FER1L5: variants seen among roughly 807,000 people sequenced by gnomAD.
FER1L5 encodes the protein fer-1-like protein 5.
FER1L5 carries 187 observed loss-of-function variants against 279.9 expected under a neutral mutation model. The ratio of observed to expected loss-of-function variants is 0.67; its 90% CI spans 0.59 to 0.75. The LOEUF (loss-of-function observed/expected upper bound fraction) is 0.75. Ranked by LOEUF, FER1L5 falls within the 30% of genes least tolerant of loss-of-function variation. FER1L5 has a pLI of 0.00. For synonymous variants in FER1L5, 921 were observed against 989.7 expected (o/e 0.93, Z 1.30); for missense variants, 2,091 against 2,594.4 (o/e 0.81, Z 4.21).
In FER1L5 at chr2:96,691,401, T is replaced by C. The variant is rs1477672678; in HGVS notation, c.2908-44T>C. The C allele has an allele frequency of 6.5e-7, 1 of 1,536,304 alleles. No homozygotes were observed. The highest frequency in any genetic ancestry group is 2.0e-5 in the Admixed American group (1 of 49,948). On this transcript the variant is annotated intron_variant, in intron 28 of 52. Transcript: ENST00000624922. This position sits in a 1 kb window ranked among gnomAD's most constrained non-coding sequence, Gnocchi z 6.0. ...GGCTGGGACTGCGGGCAGGGCCGCC[T>C]TGGCTGCTGCAGGAACACAACCCTG...
Position 96,690,587 on chromosome 2 carries a change from A to G in FER1L5, c.2741A>G (p.Lys914Arg). 6.4e-7 allele frequency: 1 copy of G among 1,551,522 alleles called. No individual in the cohort carries two copies. The highest frequency in any genetic ancestry group is 8.7e-7 in the Non-Finnish European group (1 of 1,146,836). Residue 914 changes from lysine (K) to arginine (R), a missense_variant and splice_region_variant, in exon 27 of 53, where the codon AAG becomes AGG. Coordinates refer to ENST00000624922, the MANE Select transcript of FER1L5 (RefSeq NM_001293083.2). ...GAGCTGAACCACGCAGTGGACAGTA[A>G]GGGTCAGTCGTTTGGTCAGGGTTGG... ...VVELNHAVDS[K>R]GWEYGVGIPP...
intron 31 of FER1L5, among the ~76,000 whole-genome samples, chr2:96,692,658 G>A (rs1170421394): frequency 1.3e-5 from 2 of 152,204 alleles, no homozygotes; most frequent in South Asian, 2.1e-4. Flanking sequence ...GGACAGAGGC[G>A]GAGGGGCCTG....
chr2:96,690,461 C>CG, intron 26 of FER1L5, 26 bp from the exon 27 acceptor site: 4 of 1,547,636 alleles, frequency 2.6e-6, no homozygotes, highest in Non-Finnish European at 3.5e-6. Flanking sequence ...ATGTGCCCCT[C>CG]GCTCGCCCTC....
intron 31 of FER1L5, 134 bp from the exon 32 acceptor site, chr2:96,693,372 C>T: frequency 1.2e-6 from 1 of 807,872 alleles, no homozygotes; most frequent in Non-Finnish European, 1.9e-6. Flanking sequence ...TCTGAGGGGG[C>T]CTCTGGGAGG....
chr2:96,676,188 G>T (rs924718772), intron 19 of FER1L5, among the ~76,000 whole-genome samples: 2 of 152,180 alleles, frequency 1.3e-5, no homozygotes, highest in African/African-American at 4.8e-5. Flanking sequence ...GAATTACTTT[G>T]CCACCTTTGT....
intron 8 of FER1L5, chr2:96,654,161 T>C (rs532580498): frequency 9.4e-6 from 3 of 320,514 alleles, no homozygotes; most frequent in South Asian, 1.5e-4. Context: ...CAGGAGAGCA[T>C]GTAATGGATA....
chr2:96,699,467 C>G, intron 42 of FER1L5, 83 bp from the exon 43 acceptor site: 1 of 1,463,424 alleles, frequency 6.8e-7, no homozygotes, highest in South Asian at 1.3e-5. Flanking sequence ...AACAAGGGGC[C>G]TACGGGGCCG....
In FER1L5 at chr2:96,686,363, G is replaced by T; in HGVS notation, c.2229+13G>T. On this transcript the variant is annotated intron_variant, in intron 23 of 52. Coordinates refer to ENST00000624922, the MANE Select transcript of FER1L5 (RefSeq NM_001293083.2). ...ACTCTTCCTACAGGTGGGAATCAGG[G>T]ACTCCTCAGGGGAGGACAGGGCTGA... is the stretch of plus-strand genomic sequence containing the variant. 6.5e-7 allele frequency: 1 copy of T among 1,548,962 alleles called. No individual in the cohort carries two copies. The highest frequency in any genetic ancestry group is 8.7e-7 in the Non-Finnish European group (1 of 1,145,642).
rs1011911928 is a variant in FER1L5, at chr2:96,691,459, C to A, written c.2922C>A (p.Gly974=). The change falls in exon 29 of 53, where the codon GGC becomes GGA. Residue 974 remains glycine (G), a synonymous_variant. Transcript: ENST00000624922. This position sits in a 1 kb window ranked among gnomAD's most constrained non-coding sequence, Gnocchi z 6.0. Reference sequence around the variant, plus strand: ...CCCCACCACAGGGCCTGGCCAAGGGCGAGGAGGAGGGCTGGGAGTATGACA... The same window carrying A: ...CCCCACCACAGGGCCTGGCCAAGGGAGAGGAGGAGGGCTGGGAGTATGACA... ...LSFLQLGLAK[G]EEEGWEYDTF... is the part of the protein sequence containing the mutation. 1 of 1,542,232 alleles carries A rather than the reference C, an allele frequency of 6.5e-7. No individual in the cohort carries two copies. Among genetic ancestry groups the A allele is most frequent in the South Asian group, 1.2e-5 (1 of 82,722 alleles).
chr2:96,689,496 AC>A lies in FER1L5; in HGVS notation c.2525+122del. 1 of 1,481,796 alleles carries A rather than the reference AC, an allele frequency of 6.7e-7. No individual in the cohort carries two copies. Among genetic ancestry groups the A allele is most frequent in the South Asian group, 1.2e-5 (1 of 80,236 alleles). The allele number at this position is 1,481,796 out of a possible 1,614,324, so 91.8% of individuals were successfully genotyped here. ...GCCTGGTGCCAGAGGGCCGAGGTGC[AC>A]CAGGCCAAGGGCCCTGCCCACCACC... On this transcript the variant is annotated intron_variant, in intron 25 of 52. Coordinates refer to ENST00000624922, the MANE Select transcript of FER1L5 (RefSeq NM_001293083.2). This position sits in a 1 kb window ranked among gnomAD's most constrained non-coding sequence, Gnocchi z 4.6.
intron 19 of FER1L5, among the ~76,000 whole-genome samples, chr2:96,676,351 G>A (rs1267069545): frequency 6.6e-6 from 1 of 151,984 alleles, no homozygotes; most frequent in African/African-American, 2.4e-5. Flanking sequence ...ATTTTTAGTA[G>A]AGATGGAGTT....
Position 96,700,851 on chromosome 2 carries a change from G to C in FER1L5, c.5070+380G>C, listed in dbSNP as rs537750193. Among the ~76,000 whole-genome samples the C allele has an allele frequency of 5.9e-5, 9 of 152,300 alleles. No individual in the cohort carries two copies. The South Asian group carries it at 1.7e-3, about 28-fold the overall frequency. On this transcript the variant is annotated intron_variant, in intron 45 of 52. Coordinates refer to ENST00000624922, the MANE Select transcript of FER1L5 (RefSeq NM_001293083.2). ...GGGTTCTGGCTGTTAATTGTAGGCT[G>C]TGTCTTCTTCACAGCAAATAACCCC... is the stretch of plus-strand genomic sequence containing the variant.
At chr2:96,663,801 C>T (rs141430172) in intron 14 of FER1L5, among the ~76,000 whole-genome samples, 14 of 152,194 alleles carry the variant, frequency 9.2e-5, no homozygotes, top group African/African-American at 9.6e-5. Context: ...CCAGCACTTT[C>T]GGAGGCTGAC....
chr2:96,696,200 T>C, intron 37 of FER1L5, 123 bp downstream of exon 37: 1 of 1,230,668 alleles, frequency 8.1e-7, no homozygotes, highest in South Asian at 1.4e-5. Context: ...CCCACCTCGC[T>C]CTGTAGGGTC....
chr2:96,666,465 C>T (rs1167313349), intron 14 of FER1L5, among the ~76,000 whole-genome samples: 1 of 151,606 alleles, frequency 6.6e-6, no homozygotes, highest in Non-Finnish European at 1.5e-5. Context: ...TCCTTGGCCC[C>T]TTAGCTGTCA....
At chr2:96,663,772 G>A (rs889971489) in intron 14 of FER1L5, among the ~76,000 whole-genome samples, 2 of 152,174 alleles carry the variant, frequency 1.3e-5, no homozygotes, top group African/African-American at 4.8e-5. Flanking sequence ...GCTGGGCACG[G>A]TGGCTTACAC....
At chr2:96,667,046 CCTTA>C (rs1438653002) in intron 14 of FER1L5, among the ~76,000 whole-genome samples, 1 of 152,182 alleles carries the variant, frequency 6.6e-6, no homozygotes, top group Non-Finnish European at 1.5e-5. Context: ...TGACTCCACC[CCTTA>C]CTATGTGACC....
chr2:96,667,739 T>C (rs2076176507), intron 14 of FER1L5, among the ~76,000 whole-genome samples: 1 of 151,958 alleles, frequency 6.6e-6, no homozygotes, highest in South Asian at 2.1e-4. Context: ...GGCCTCTCCA[T>C]GAGATGGTTT....
intron 1 of FER1L5, among the ~76,000 whole-genome samples, chr2:96,643,779 G>C (rs1039325433): frequency 6.6e-6 from 1 of 151,322 alleles, no homozygotes; most frequent in Non-Finnish European, 1.5e-5. Flanking sequence ...AGAAGGAAGG[G>C]AAAGAAAGGG....
Sources: allele counts gnomAD v4.1 joint callset (sites outside exome capture counted in the v4.1 genomes callset), GRCh38; gene constraint gnomAD v4.1.1; non-coding constraint Gnocchi (gnomAD v3.1); transcripts MANE v1.5; gene names NCBI Gene and HGNC (gene_info 2026-07-23, HGNC 2026-07-21).